NRXN1: variants seen among roughly 807,000 people sequenced by gnomAD.
The protein encoded by NRXN1 is neurexin 1, also known as neurexin-1.
Under a neutral mutation model 150.9 loss-of-function variants are expected in NRXN1, and 39 were observed. The ratio of observed to expected loss-of-function variants is 0.26; its 90% CI spans 0.20 to 0.34. The LOEUF is 0.34. Among genes scored for constraint, NRXN1 ranks in the 10% least tolerant of loss-of-function variants. The pLI is 1.00. For missense variants in NRXN1, 1,815 were observed against 1,949.9 expected (o/e 0.93, Z 1.30); for synonymous variants, 924 against 757.0 (o/e 1.22, Z -3.62).
At chr2:50,008,602 G>A (rs1685145656) in intron 21 of NRXN1, among the ~76,000 whole-genome samples, 1 of 151,408 alleles carries the variant, frequency 6.6e-6, no homozygotes, top group Non-Finnish European at 1.5e-5. Context: ...GAAAAGTCCA[G>A]AATATGACTC....
intron 17 of NRXN1, among the ~76,000 whole-genome samples, chr2:50,316,300 C>T (rs908231546): frequency 2.0e-5 from 3 of 152,028 alleles, no homozygotes; most frequent in African/African-American, 4.8e-5. Flanking sequence ...TCACCTCTCC[C>T]TCCACTGAGG....
chr2:50,683,646 A>AAAAAAAAAAAAAAATAT, intron 5 of NRXN1, among the ~76,000 whole-genome samples: 3 of 14,906 alleles, frequency 2.0e-4, no homozygotes, highest in African/African-American at 7.2e-4. Context: ...AAAAAAAAAA[A>AAAAAAAAAAAAAAATAT]ATATATATAT....
At chr2:50,572,848 G>C (rs139547602) in intron 8 of NRXN1, among the ~76,000 whole-genome samples, 30 of 152,250 alleles carry the variant, frequency 2.0e-4, no homozygotes, top group African/African-American at 6.3e-4. Context: ...ACTAGAATGA[G>C]GGTCAAGGTA....
At chr2:50,439,851 G>A (rs1453243455) in intron 17 of NRXN1, among the ~76,000 whole-genome samples, 3 of 151,012 alleles carry the variant, frequency 2.0e-5, no homozygotes, top group African/African-American at 4.9e-5. Context: ...ATTACTGAAA[G>A]GTCATTATGT....
chr2:50,765,759 C>A (rs1267467332), intron 5 of NRXN1, among the ~76,000 whole-genome samples: 1 of 151,968 alleles, frequency 6.6e-6, no homozygotes, highest in African/African-American at 2.4e-5. Flanking sequence ...AGGAGGGAAG[C>A]AGGTGAAAAA....
intron 12 of NRXN1, among the ~76,000 whole-genome samples, chr2:50,512,469 T>C (rs2092485942): frequency 6.6e-6 from 1 of 152,194 alleles, no homozygotes; most frequent in Admixed American, 6.5e-5. Context: ...TCACTATAAA[T>C]TATATTTGAA....
intron 18 of NRXN1, among the ~76,000 whole-genome samples, chr2:50,147,405 T>G (rs2058408474): frequency 6.6e-6 from 1 of 151,712 alleles, no homozygotes; most frequent in Non-Finnish European, 1.5e-5. Context: ...TGTGAATAAC[T>G]AAAAATTTAG....
chr2:50,938,347 G>C lies in NRXN1; in HGVS notation c.773-12392C>G, dbSNP rs181006457. ...TTGTGGAACCATCATCATATATGGA[G>C]TACATTGTTGACTAAAACGCTGTTA... On this transcript the variant is annotated intron_variant, in intron 2 of 22. Transcript: ENST00000401669. Among the ~76,000 whole-genome samples the C allele has an allele frequency of 1.7e-3, 258 of 152,266 alleles. 1 individual carries two copies. The highest frequency in any genetic ancestry group is 6.1e-3 in the African/African-American group (253 of 41,560).
intron 18 of NRXN1, among the ~76,000 whole-genome samples, chr2:50,152,570 A>G (rs908135894): frequency 6.6e-6 from 1 of 151,782 alleles, no homozygotes. Context: ...TTCAAAGAAC[A>G]GTTTTGCCAG....
At chr2:50,142,358 T>C (rs1020845737) in intron 18 of NRXN1, among the ~76,000 whole-genome samples, 2 of 151,742 alleles carry the variant, frequency 1.3e-5, no homozygotes, top group Non-Finnish European at 2.9e-5. Context: ...GGTATAAACA[T>C]ACAGTTAGAT....
intron 5 of NRXN1, among the ~76,000 whole-genome samples, chr2:50,680,161 T>C (rs543027846): frequency 2.0e-5 from 3 of 151,910 alleles, no homozygotes; most frequent in Non-Finnish European, 4.4e-5. Flanking sequence ...AAAATTGAAT[T>C]TAGGAAAAAC....
At chr2:50,701,614 A>AT (rs1693755674) in intron 5 of NRXN1, among the ~76,000 whole-genome samples, 1 of 152,204 alleles carries the variant, frequency 6.6e-6, no homozygotes, top group Non-Finnish European at 1.5e-5. Context: ...CGTCCTGCAT[A>AT]TAAATCCCCA....
At chr2:50,619,634 CT>C (rs1679636545) in intron 8 of NRXN1, 1 of 340,508 alleles carries the variant, frequency 2.9e-6, no homozygotes, top group Non-Finnish European at 5.2e-6. Context: ...GCTTTTTCTT[CT>C]TTTTTCTTTT....
intron 17 of NRXN1, among the ~76,000 whole-genome samples, chr2:50,302,933 CCATCCA>C (rs2074297108): frequency 6.6e-6 from 1 of 151,844 alleles, no homozygotes; most frequent in Non-Finnish European, 1.5e-5. Context: ...ATCCATCCAT[CCATCCA>C]CCCATCCATC....
chr2:50,778,532 A>G lies in NRXN1; in HGVS notation c.832+143337T>C, dbSNP rs138424629. 8.4e-3 allele frequency among the ~76,000 whole-genome samples: 1,276 copies of G among 152,316 alleles called. 23 individuals are homozygous for G. Among genetic ancestry groups the G allele is most frequent in the African/African-American group, 0.029 (1,194 of 41,566 alleles). On this transcript the variant is annotated intron_variant, in intron 5 of 22. Transcript: ENST00000401669. ...GAACCTTGGTGAGACAAGAGGTAGT[A>G]AGAAGGCCACTGGAATGAACAAAAG...
intron 18 of NRXN1, among the ~76,000 whole-genome samples, chr2:50,132,407 G>A (rs1574082151): frequency 6.7e-6 from 1 of 150,088 alleles, no homozygotes; most frequent in East Asian, 2.0e-4. Context: ...CTGTGTTCAC[G>A]CCATTCTCCT....
chr2:50,521,124 G>A (rs2092777075), intron 12 of NRXN1, among the ~76,000 whole-genome samples: 1 of 152,208 alleles, frequency 6.6e-6, no homozygotes, highest in South Asian at 2.1e-4. Context: ...CCATGTATTT[G>A]AAAATTTAAT....
At chr2:50,838,695 C>A (rs1311058830) in intron 5 of NRXN1, among the ~76,000 whole-genome samples, 1 of 151,910 alleles carries the variant, frequency 6.6e-6, no homozygotes, top group African/African-American at 2.4e-5. Context: ...ACTAGAGTGA[C>A]GCATCTGCAA....
At chr2:50,120,736 C>T (rs533636351) in intron 18 of NRXN1, among the ~76,000 whole-genome samples, 10 of 151,892 alleles carry the variant, frequency 6.6e-5, no homozygotes, top group Admixed American at 6.6e-5. Flanking sequence ...TAATACATAC[C>T]GGTTAAGTTA....
Sources: gnomAD v4.1 joint callset for allele counts (sites outside exome capture counted in the v4.1 genomes callset) on GRCh38, gnomAD v4.1.1 for gene constraint, MANE v1.5 for transcripts, NCBI Gene and HGNC (gene_info 2026-07-23, HGNC 2026-07-21) for gene names.